OCLN: variants seen among roughly 807,000 people sequenced by gnomAD.
The protein encoded by OCLN is phosphatase 1, regulatory subunit 115.
Under a neutral mutation model 47.9 loss-of-function variants are expected in OCLN, and 21 were observed. That is an observed-to-expected ratio of 0.44 (90% CI 0.31 to 0.63). The LOEUF (loss-of-function observed/expected upper bound fraction) is 0.63, where lower values mean the gene tolerates loss of function less well. Among genes scored for constraint, OCLN ranks in the 30% least tolerant of loss-of-function variants. OCLN has a pLI of 0.08. For missense variants in OCLN, 360 were observed against 571.0 expected, an observed-to-expected ratio of 0.63 and a Z score of 3.77; for synonymous variants, 117 against 198.4, an observed-to-expected ratio of 0.59 and a Z score of 3.45.
In OCLN at chr5:69,514,109, G is replaced by A. The variant is rs1768861022; in HGVS notation, c.891G>A (p.Trp297Ter). ...YDEQPPNVEE[W>*]VKNVSAGTQD... ...AGCAGCCCCCCAATGTCGAGGAGTG[G>A]GTAAGTGTTAAAAAATAACTTTACA... is the stretch of plus-strand genomic sequence containing the variant. Residue 297 changes from tryptophan to a stop codon, truncating the protein, a stop_gained and splice_region_variant, in exon 4 of 9, where the codon TGG becomes TGA. Transcript: ENST00000396442. LOFTEE classifies it high-confidence loss of function. 1 of 1,613,598 alleles carries A rather than the reference G, an allele frequency of 6.2e-7. No individual in the cohort carries two copies. The highest frequency in any genetic ancestry group is 1.3e-5 in the African/African-American group (1 of 74,876).
At chr5:69,523,006 G>A (rs900103799) in intron 4 of OCLN, among the ~76,000 whole-genome samples, 1 of 151,234 alleles carries the variant, frequency 6.6e-6, no homozygotes, top group Non-Finnish European at 1.5e-5. Context: ...GGGATTACAG[G>A]TGTGAGCCAC....
intron 1 of OCLN, among the ~76,000 whole-genome samples, chr5:69,499,525 G>C (rs1306723435): frequency 5.9e-5 from 9 of 152,104 alleles, no homozygotes; most frequent in Admixed American, 5.9e-4. Context: ...TTACTTTCAG[G>C]ATAACCACCT....
intron 4 of OCLN, among the ~76,000 whole-genome samples, chr5:69,526,108 C>G (rs985956457): frequency 6.6e-6 from 1 of 152,160 alleles, no homozygotes; most frequent in African/African-American, 2.4e-5. Context: ...CAAACTTTTG[C>G]AGGCAACAGA....
At chr5:69,533,092 C>T (rs1036103532) in intron 4 of OCLN, among the ~76,000 whole-genome samples, 1 of 139,468 alleles carries the variant, frequency 7.2e-6, no homozygotes, top group African/African-American at 3.0e-5. Context: ...TATATATACA[C>T]ACACACACAC....
At chr5:69,523,487 T>C (rs1302675887) in intron 4 of OCLN, among the ~76,000 whole-genome samples, 1 of 152,046 alleles carries the variant, frequency 6.6e-6, no homozygotes, top group African/African-American at 2.4e-5. Context: ...ACTGAGCATT[T>C]CCATGCCAGT....
intron 5 of OCLN, among the ~76,000 whole-genome samples, chr5:69,535,925 G>A (rs570585994): frequency 3.3e-5 from 5 of 152,170 alleles, no homozygotes; most frequent in Non-Finnish European, 5.9e-5. Context: ...AGGAGTTCAA[G>A]ACCGGCCTGA....
At chr5:69,549,058 C>T (rs1342052870) in intron 7 of OCLN, among the ~76,000 whole-genome samples, 3 of 147,830 alleles carry the variant, frequency 2.0e-5, no homozygotes, top group African/African-American at 2.5e-5. Flanking sequence ...CGGCCGGGCA[C>T]GGTGGCTAAT....
intron 3 of OCLN, among the ~76,000 whole-genome samples, chr5:69,511,799 C>A (rs945435321): frequency 6.6e-6 from 1 of 152,010 alleles, no homozygotes; most frequent in Non-Finnish European, 1.5e-5. Context: ...CCAAGGTGGG[C>A]GGATCACCTG....
intron 4 of OCLN, among the ~76,000 whole-genome samples, chr5:69,523,806 G>A (rs1320958883): frequency 6.6e-6 from 1 of 152,034 alleles, no homozygotes; most frequent in Non-Finnish European, 1.5e-5. Flanking sequence ...AAAGTGCTGG[G>A]GTTACAGGTG....
At chr5:69,503,653 A>G (rs1768519218) in intron 1 of OCLN, among the ~76,000 whole-genome samples, 1 of 152,212 alleles carries the variant, frequency 6.6e-6, no homozygotes, top group African/African-American at 2.4e-5. Flanking sequence ...GAAAATGACC[A>G]ATTAATACCA....
chr5:69,504,381 T>C, intron 2 of OCLN, 87 bp downstream of exon 2: 1 of 850,956 alleles, frequency 1.2e-6, no homozygotes, highest in Admixed American at 2.0e-5. Flanking sequence ...AGTGTTTGCT[T>C]TTAAAAATAA....
intron 4 of OCLN, among the ~76,000 whole-genome samples, chr5:69,517,295 A>T (rs1017397523): frequency 2.7e-4 from 30 of 112,598 alleles, no homozygotes; most frequent in African/African-American, 8.1e-4. Flanking sequence ...TAAAGACATT[A>T]ATATATATAT....
chr5:69,533,463 G>T (rs185562603), intron 4 of OCLN, among the ~76,000 whole-genome samples: 1 of 152,210 alleles, frequency 6.6e-6, no homozygotes, highest in East Asian at 1.9e-4. Flanking sequence ...ACATCGTCGA[G>T]CTATAGCAGG....
chr5:69,494,447 A>G (rs1486210169), intron 1 of OCLN, among the ~76,000 whole-genome samples: 2 of 152,214 alleles, frequency 1.3e-5, no homozygotes, highest in Admixed American at 6.5e-5. Flanking sequence ...TGGCCTCCCA[A>G]AGTGCTGGGA....
intron 2 of OCLN, among the ~76,000 whole-genome samples, chr5:69,508,925 A>G (rs1768684756): frequency 6.6e-6 from 1 of 152,236 alleles, no homozygotes; most frequent in African/African-American, 2.4e-5. Flanking sequence ...ACTGTTTACA[A>G]TACCCCCAAA....
rs1217123321 is a variant in OCLN at position 69,549,272 on chromosome 5, C to T, written c.1425+1171C>T. On this transcript the variant is annotated intron_variant, in intron 7 of 8. Coordinates refer to ENST00000396442, the MANE Select transcript of OCLN (RefSeq NM_001205254.2). ...AGGAGAATGGTGTGAACCCAGGAGG[C>T]GGAGCTTGCAGTGAGCCAAGATCGC... Among the ~76,000 whole-genome samples, 23 of 96,404 alleles carry T rather than the reference C, an allele frequency of 2.4e-4. 1 individual carries two copies. The highest frequency in any genetic ancestry group is 3.5e-4 in the East Asian group (1 of 2,892). 63.2% of individuals were successfully genotyped at this position (96,404 alleles called of 152,430 possible).
At chr5:69,522,213 C>A (rs1205454333) in intron 4 of OCLN, among the ~76,000 whole-genome samples, 1 of 152,074 alleles carries the variant, frequency 6.6e-6, no homozygotes, top group Non-Finnish European at 1.5e-5. Flanking sequence ...AGTTTTACAC[C>A]CCCTTCAAGG....
At chr5:69,513,499 A>C (rs1051701057) in intron 3 of OCLN, among the ~76,000 whole-genome samples, 4 of 152,248 alleles carry the variant, frequency 2.6e-5, no homozygotes, top group African/African-American at 9.6e-5. Flanking sequence ...GAACAAGATT[A>C]CAAGCATGAT....
In OCLN at chr5:69,509,353, C is replaced by T; in HGVS notation, c.263C>T (p.Ala88Val). Residue 88 changes from alanine to valine, a missense_variant, in exon 3 of 9, where the codon GCC becomes GTC. Transcript: ENST00000396442. ...AIFACVASTL[A>V]WDRGYGTSLL... ...TTTGCCTGTGTGGCCTCCACGCTTG[C>T]CTGGGACAGAGGCTATGGAACTTCC... The T allele has an allele frequency of 6.2e-7, 1 of 1,614,164 alleles. No individual in the cohort carries two copies. Among genetic ancestry groups the T allele is most frequent in the Non-Finnish European group, 8.5e-7 (1 of 1,180,028 alleles).
Sources: allele counts gnomAD v4.1 joint callset (sites outside exome capture counted in the v4.1 genomes callset), GRCh38; gene constraint gnomAD v4.1.1; transcripts MANE v1.5; gene names NCBI Gene and HGNC (gene_info 2026-07-23, HGNC 2026-07-21).